The following PLXNA2 variants were observed in gnomAD, a reference collection of about 807,000 sequenced individuals.
PLXNA2 encodes the protein plexin A2, also known as plexin-A2.
Under a neutral mutation model 193.5 loss-of-function variants are expected in PLXNA2, and 91 were observed. The observed-to-expected ratio is 0.47, with a 90% CI of 0.40 to 0.56. The LOEUF is 0.56. PLXNA2 is among the 20% of genes least tolerant of loss of function. The pLI, the probability that PLXNA2 is intolerant of heterozygous loss-of-function variation, is 0.00. For synonymous variants in PLXNA2, 997 were observed against 1,027.3 expected (o/e 0.97, Z 0.56); for missense variants, 1,995 against 2,503.2 (o/e 0.80, Z 4.33).
At chr1:208,102,886 A>G (rs1667141011) in intron 5 of PLXNA2, among the ~76,000 whole-genome samples, 1 of 152,252 alleles carries the variant, frequency 6.6e-6, no homozygotes, top group Non-Finnish European at 1.5e-5. Flanking sequence ...ACACAAGGAT[A>G]TAAGCACCTC....
intron 6 of PLXNA2, among the ~76,000 whole-genome samples, chr1:208,098,479 C>CACACACAT (rs1413182925): frequency 1.5e-4 from 22 of 151,678 alleles, no homozygotes; most frequent in Non-Finnish European, 2.7e-4. Context: ...CACACACACA[C>CACACACAT]ACACACACAC....
intron 3 of PLXNA2, among the ~76,000 whole-genome samples, chr1:208,186,361 G>T (rs1382813147): frequency 6.6e-6 from 1 of 152,086 alleles, no homozygotes; most frequent in African/African-American, 2.4e-5. Context: ...AATAGAAAAT[G>T]CAAAGGAATA....
In PLXNA2 at chr1:208,023,409, C is replaced by T. The variant is rs1296564528; in HGVS notation, c.*3834G>A. On this transcript the variant is annotated 3_prime_UTR_variant, in exon 32 of 32. Coordinates refer to ENST00000367033, the MANE Select transcript of PLXNA2 (RefSeq NM_025179.4). ...TTCAAATGCTCCCTATTTGTTCTGC[C>T]CAGGCCATTCTTCGTCCAGCACTCA... The T allele has an allele frequency of 1.3e-5, 2 of 152,726 alleles. No homozygotes were observed. Among genetic ancestry groups the T allele is most frequent in the Non-Finnish European group, 1.5e-5 (1 of 68,140 alleles). The allele number at this position is 152,726 out of a possible 1,614,324, so 9.5% of individuals were successfully genotyped here. A position where few individuals can be genotyped will look rare whatever the true frequency, so the allele number is the denominator to read the frequency against.
At chr1:208,142,007 G>A (rs937396592) in intron 4 of PLXNA2, among the ~76,000 whole-genome samples, 2 of 152,226 alleles carry the variant, frequency 1.3e-5, no homozygotes, top group African/African-American at 4.8e-5. Context: ...TTGAGCAGCA[G>A]ACTCTGTGGG....
rs187644409 is a variant in PLXNA2 at position 208,032,658 on chromosome 1, G to T, written c.5055+661C>A. Among the ~76,000 whole-genome samples, 663 of 152,182 alleles carry T rather than the reference G, an allele frequency of 4.4e-3. 3 individuals carry two copies. Among genetic ancestry groups the T allele is most frequent in the Non-Finnish European group, 7.8e-3 (529 of 67,956 alleles). ...TACTTACAGGCTTATTTTGCTACCT[G>T]CTAGGAAGGCTAAAAGATGAAGCCT... On this transcript the variant is annotated intron_variant, in intron 28 of 31. Transcript: ENST00000367033.
intron 4 of PLXNA2, among the ~76,000 whole-genome samples, chr1:208,136,980 A>G (rs1488492776): frequency 6.6e-6 from 1 of 152,254 alleles, no homozygotes; most frequent in African/African-American, 2.4e-5. Context: ...CATTACACAG[A>G]TGATCAAACT....
At chr1:208,213,678 C>A in intron 2 of PLXNA2, among the ~76,000 whole-genome samples, 1 of 152,192 alleles carries the variant, frequency 6.6e-6, no homozygotes, top group South Asian at 2.1e-4. Context: ...GGGACCACAG[C>A]TTCTTTCATT....
chr1:208,028,720 C>T lies in PLXNA2; in HGVS notation c.5438+110G>A. On this transcript the variant is annotated intron_variant, in intron 30 of 31. Coordinates refer to ENST00000367033, the MANE Select transcript of PLXNA2 (RefSeq NM_025179.4). This position sits in a 1 kb window ranked among gnomAD's most constrained non-coding sequence, Gnocchi z 4.2. Reference sequence around the variant, plus strand: ...TGTGGCAGGGAGGGGAGTGGGAGGTCCTGAAGAGATGACAGACACCGTCGT... The same window carrying T: ...TGTGGCAGGGAGGGGAGTGGGAGGTTCTGAAGAGATGACAGACACCGTCGT... 1 of 1,003,856 alleles carries T rather than the reference C, an allele frequency of 1.0e-6. No homozygotes were observed. Among genetic ancestry groups the T allele is most frequent in the Non-Finnish European group, 1.5e-6 (1 of 676,522 alleles). The allele number at this position is 1,003,856 out of a possible 1,614,324, so 62.2% of individuals were successfully genotyped here.
chr1:208,177,923 C>T (rs747895581), intron 3 of PLXNA2, among the ~76,000 whole-genome samples: 6 of 152,212 alleles, frequency 3.9e-5, no homozygotes, highest in Admixed American at 2.6e-4. Context: ...AGACTTTGCC[C>T]GTCTCTGGTT....
rs148975148 is a variant in PLXNA2 at position 208,040,261 on chromosome 1, A to G, written c.4287-203T>C. On this transcript the variant is annotated intron_variant, in intron 22 of 31. Coordinates refer to ENST00000367033, the MANE Select transcript of PLXNA2 (RefSeq NM_025179.4). ...AGGGGTGGCTTCTTTCTGGGCCTCA[A>G]TTTCCTATGAAAATGGAGAGGTTGG... 2.6e-4 allele frequency: 154 copies of G among 584,328 alleles called. 1 individual carries two copies. The highest frequency in any genetic ancestry group is 2.5e-3 in the African/African-American group (134 of 53,506). 36.2% of individuals were successfully genotyped at this position (584,328 alleles called of 1,614,324 possible).
In PLXNA2 at chr1:208,082,369, G is replaced by C. The variant is rs983460121; in HGVS notation, c.2395+43C>G. On this transcript the variant is annotated intron_variant, in intron 11 of 31. Transcript: ENST00000367033. The surrounding 1 kb of genome is among the most constrained non-coding windows in gnomAD (Gnocchi z 4.2). ...TCCCTCTAGCCCCAGTCTTTCCCGG[G>C]GTCGTGAAAAGATCAAACTTCTACC... is the stretch of plus-strand genomic sequence containing the variant. The C allele has an allele frequency of 1.3e-6, 2 of 1,486,884 alleles. No homozygotes were observed. Among genetic ancestry groups the C allele is most frequent in the Non-Finnish European group, 1.9e-6 (2 of 1,069,570 alleles). The allele number at this position is 1,486,884 out of a possible 1,614,324, so 92.1% of individuals were successfully genotyped here.
In PLXNA2 at chr1:208,039,647, G is replaced by T. The variant is rs147239739; in HGVS notation, c.4474C>A (p.Arg1492=). Residue 1492 remains arginine (R), a synonymous_variant, in exon 24 of 32, where the codon CGG becomes AGG. Transcript: ENST00000367033. ...AGGGTCTTGTACTCGATCTGCTGCC[G>T]GATGAGCTTGTCCTCGCTCAGGGAG... ...RYSLSEDKLI[R]QQIEYKTLIL... 1 of 1,614,120 alleles carries T rather than the reference G, an allele frequency of 6.2e-7. No individual in the cohort carries two copies. The highest frequency in any genetic ancestry group is 1.1e-5 in the South Asian group (1 of 91,078).
At chr1:208,175,845 G>T (rs755874) in intron 3 of PLXNA2, among the ~76,000 whole-genome samples, 82,748 of 152,000 alleles carry the variant, frequency 0.54, 23,017 homozygotes, top group East Asian at 0.81. Context: ...AAGAAGACAG[G>T]CTGGTTCAAA....
chr1:208,180,642 C>G (rs971476766), intron 3 of PLXNA2, among the ~76,000 whole-genome samples: 40 of 152,338 alleles, frequency 2.6e-4, no homozygotes, highest in Middle Eastern at 3.4e-3. Flanking sequence ...ATTATTTACT[C>G]CGTTTGGCAG....
At chr1:208,209,558 C>A (rs917275809) in intron 3 of PLXNA2, among the ~76,000 whole-genome samples, 13 of 152,150 alleles carry the variant, frequency 8.5e-5, no homozygotes, top group African/African-American at 2.9e-4. Flanking sequence ...AGGCACTAGA[C>A]AAGCTGGTAC....
At chr1:208,064,804 G>C (rs1016604120) in intron 12 of PLXNA2, among the ~76,000 whole-genome samples, 1 of 152,090 alleles carries the variant, frequency 6.6e-6, no homozygotes, top group Non-Finnish European at 1.5e-5. Flanking sequence ...CTTCTCCAGA[G>C]CGGGAGTGAG....
intron 3 of PLXNA2, among the ~76,000 whole-genome samples, chr1:208,149,416 G>C (rs762339606): frequency 1.3e-5 from 2 of 151,982 alleles, no homozygotes; most frequent in Non-Finnish European, 2.9e-5. Context: ...TGAATGTGGT[G>C]TATATGTGTT....
chr1:208,222,183 C>A (rs1012514483), intron 1 of PLXNA2, among the ~76,000 whole-genome samples: 9 of 152,144 alleles, frequency 5.9e-5, no homozygotes, highest in Non-Finnish European at 1.2e-4. Context: ...CTTTGCATAC[C>A]CAGTGTGACT....
At chr1:208,169,317 T>C (rs556741323) in intron 3 of PLXNA2, among the ~76,000 whole-genome samples, 1 of 152,106 alleles carries the variant, frequency 6.6e-6, no homozygotes, top group Non-Finnish European at 1.5e-5. Flanking sequence ...ATTAACGGAG[T>C]GATGACAAGA....
Sources: gnomAD v4.1 joint callset for allele counts (sites outside exome capture counted in the v4.1 genomes callset) on GRCh38, gnomAD v4.1.1 for gene constraint, Gnocchi (gnomAD v3.1) non-coding constraint, MANE v1.5 for transcripts, NCBI Gene and HGNC (gene_info 2026-07-23, HGNC 2026-07-21) for gene names.